The following ACOXL variants were observed in gnomAD, a reference collection of about 807,000 sequenced individuals.
ACOXL encodes the protein acyl-coenzyme A oxidase-like protein.
ACOXL carries 70 observed loss-of-function variants against 71.9 expected under a neutral mutation model. The ratio of observed to expected loss-of-function variants is 0.97; its 90% CI spans 0.80 to 1.19. The LOEUF (loss-of-function observed/expected upper bound fraction) is 1.19, where lower values mean the gene tolerates loss of function less well. ACOXL is among the 50% of genes most tolerant of loss of function. The pLI is 0.00. For synonymous variants in ACOXL, 253 were observed against 281.6 expected (o/e 0.90, Z 1.02); for missense variants, 703 against 736.3 (o/e 0.95, Z 0.52).
chr2:111,007,409 A>G (rs542799575), intron 14 of ACOXL, among the ~76,000 whole-genome samples: 2 of 152,184 alleles, frequency 1.3e-5, no homozygotes, highest in African/African-American at 2.4e-5. Context: ...TCTCTTCTCC[A>G]ATTATTTATT....
intron 13 of ACOXL, among the ~76,000 whole-genome samples, chr2:110,991,673 G>A (rs2063179571): frequency 6.6e-6 from 1 of 151,992 alleles, no homozygotes; most frequent in African/African-American, 2.4e-5. Flanking sequence ...TGAGAAATCT[G>A]TTATCTGTCT....
intron 17 of ACOXL, among the ~76,000 whole-genome samples, chr2:111,108,961 ATTTG>A (rs763089767): frequency 1.4e-4 from 22 of 152,186 alleles, no homozygotes; most frequent in Middle Eastern, 3.4e-3. Flanking sequence ...TTTTAAATTA[ATTTG>A]TTTATTTTTG....
chr2:110,973,923 T>A (rs187771315), intron 12 of ACOXL, among the ~76,000 whole-genome samples: 1 of 152,310 alleles, frequency 6.6e-6, no homozygotes, highest in East Asian at 1.9e-4. Flanking sequence ...GACCCCTGAA[T>A]ACATAGCTTA....
At chr2:111,045,844 G>T (rs1324208351) in intron 15 of ACOXL, among the ~76,000 whole-genome samples, 1 of 152,216 alleles carries the variant, frequency 6.6e-6, no homozygotes, top group East Asian at 1.9e-4. Context: ...TAGGCTGCTA[G>T]CCCCATAAAA....
chr2:110,991,080 T>C (rs1421360059), intron 13 of ACOXL, among the ~76,000 whole-genome samples: 1 of 152,200 alleles, frequency 6.6e-6, no homozygotes, highest in African/African-American at 2.4e-5. Flanking sequence ...GCTTGGCGAG[T>C]AAACTATTTA....
intron 16 of ACOXL, among the ~76,000 whole-genome samples, chr2:111,065,139 C>T (rs905590806): frequency 6.6e-6 from 1 of 152,138 alleles, no homozygotes; most frequent in Non-Finnish European, 1.5e-5. Context: ...ATGGTATTGG[C>T]AGGTGAATAC....
intron 1 of ACOXL, among the ~76,000 whole-genome samples, chr2:110,737,296 C>T (rs909727113): frequency 6.6e-6 from 1 of 152,146 alleles, no homozygotes; most frequent in Non-Finnish European, 1.5e-5. Flanking sequence ...TAATTTACTC[C>T]ATATTCCTAA....
intron 10 of ACOXL, among the ~76,000 whole-genome samples, chr2:110,858,930 G>GAAGAGAGTTTGC (rs1156448644): frequency 6.6e-6 from 1 of 152,134 alleles, no homozygotes; most frequent in Non-Finnish European, 1.5e-5. Flanking sequence ...TTAATCCTTT[G>GAAGAGAGTTTGC]AAGAGAGTTT....
chr2:110,974,515 C>A (rs1217476997), intron 12 of ACOXL, among the ~76,000 whole-genome samples: 2 of 152,204 alleles, frequency 1.3e-5, no homozygotes, highest in Admixed American at 1.3e-4. Context: ...TTATAACTTT[C>A]TTTTGCTTCA....
At chr2:111,034,084 T>C (rs565926158) in intron 15 of ACOXL, among the ~76,000 whole-genome samples, 1 of 152,334 alleles carries the variant, frequency 6.6e-6, no homozygotes, top group African/African-American at 2.4e-5. Flanking sequence ...GTCACCAGGT[T>C]CAGATCCCGG....
chr2:111,003,778 G>T (rs1350400779), intron 14 of ACOXL, among the ~76,000 whole-genome samples: 1 of 151,936 alleles, frequency 6.6e-6, no homozygotes, highest in African/African-American at 2.4e-5. Flanking sequence ...CATTTTTATG[G>T]TCAATTCAAA....
chr2:110,764,319 A>G (rs1680767641), intron 1 of ACOXL, among the ~76,000 whole-genome samples: 1 of 152,196 alleles, frequency 6.6e-6, no homozygotes, highest in Non-Finnish European at 1.5e-5. Flanking sequence ...GCAATGGAAT[A>G]TTATTTAGTG....
intron 11 of ACOXL, among the ~76,000 whole-genome samples, chr2:110,915,590 A>AT (rs962696274): frequency 1.3e-4 from 19 of 149,504 alleles, no homozygotes; most frequent in African/African-American, 3.7e-4. Context: ...CACCCAGCTA[A>AT]TTTTTTTTTG....
chr2:110,807,250 G>A (rs573559940), intron 9 of ACOXL, among the ~76,000 whole-genome samples: 2 of 152,246 alleles, frequency 1.3e-5, no homozygotes, highest in African/African-American at 4.8e-5. Context: ...GCTCTCTAGG[G>A]CTCAGTTTCT....
chr2:110,895,583 A>C (rs1193591366), intron 10 of ACOXL, among the ~76,000 whole-genome samples: 1 of 152,164 alleles, frequency 6.6e-6, no homozygotes, highest in Middle Eastern at 3.2e-3. Flanking sequence ...AACCTCAAAC[A>C]GGATAACCCA....
chr2:110,792,503 A>G (rs1684772653), intron 3 of ACOXL, among the ~76,000 whole-genome samples: 2 of 152,180 alleles, frequency 1.3e-5, no homozygotes, highest in South Asian at 4.1e-4. Context: ...ACAAAAGACC[A>G]GGCAGGCTGG....
chr2:110,776,363 T>C (rs1682650747), intron 2 of ACOXL, among the ~76,000 whole-genome samples: 1 of 152,190 alleles, frequency 6.6e-6, no homozygotes. Flanking sequence ...TGCCAAACAC[T>C]GTGAATATAC....
intron 9 of ACOXL, among the ~76,000 whole-genome samples, chr2:110,806,425 T>C (rs558785539): frequency 2.6e-5 from 4 of 152,288 alleles, no homozygotes; most frequent in South Asian, 4.1e-4. Context: ...CTGTCTGATA[T>C]TGAATGAGGC....
intron 10 of ACOXL, among the ~76,000 whole-genome samples, chr2:110,841,928 A>G (rs1054792109): frequency 6.6e-6 from 1 of 152,184 alleles, no homozygotes; most frequent in African/African-American, 2.4e-5. Flanking sequence ...TTGTGTTGAT[A>G]TCAACATTTT....
Sources: gnomAD v4.1 joint callset for allele counts (sites outside exome capture counted in the v4.1 genomes callset) on GRCh38, gnomAD v4.1.1 for gene constraint, MANE v1.5 for transcripts, NCBI Gene and HGNC (gene_info 2026-07-23, HGNC 2026-07-21) for gene names.